Variants in EP400 observed in about 807,000 individuals in gnomAD.
EP400 encodes the protein E1A binding protein p400.
Under a neutral mutation model 354.1 loss-of-function variants are expected in EP400, and 105 were observed. The ratio of observed to expected loss-of-function variants is 0.30; its 90% CI spans 0.25 to 0.35. The LOEUF is 0.35. Among genes scored for constraint, EP400 ranks in the 10% least tolerant of loss-of-function variants. EP400 has a pLI of 1.00. For missense variants in EP400, 3,280 were observed against 4,121.0 expected (o/e 0.80, Z 5.59); for synonymous variants, 1,646 against 1,716.9 (o/e 0.96, Z 1.02).
chr12:131,983,029 C>A (rs1184821292), intron 5 of EP400, among the ~76,000 whole-genome samples: 1 of 151,792 alleles, frequency 6.6e-6, no homozygotes, highest in African/African-American at 2.4e-5. Flanking sequence ...ACTCTTAGTA[C>A]CAGGGGTCCC....
chr12:132,015,573 C>T (rs1310500222), intron 19 of EP400, among the ~76,000 whole-genome samples: 1 of 152,160 alleles, frequency 6.6e-6, no homozygotes, highest in African/African-American at 2.4e-5. Flanking sequence ...GGTTTGCCTT[C>T]AGGGTTGCAG....
At position 132,079,539 on chromosome 12, in the gene EP400, T is replaced by C. The variant is rs545050953; in HGVS notation, c.*1866T>C. 6.6e-6 allele frequency: 1 copy of C among 152,398 alleles called. No homozygotes were observed. Among genetic ancestry groups the C allele is most frequent in the East Asian group, 1.9e-4 (1 of 5,188 alleles). The allele number at this position is 152,398 out of a possible 1,614,324, so 9.4% of individuals were successfully genotyped here. A position where few individuals can be genotyped will look rare whatever the true frequency, so the allele number is the denominator to read the frequency against. The stretch of plus-strand genomic sequence containing the variant: ...TTGTGTGCCCTGTTCATTTTTTTTG[T>C]CTTTCCCAAATCTTGGTAGTCTCCT... On this transcript the variant is annotated 3_prime_UTR_variant, in exon 53 of 53. Transcript: ENST00000389561.
intron 48 of EP400, chr12:132,065,102 C>A: frequency 1.2e-6 from 1 of 855,374 alleles, no homozygotes; most frequent in Non-Finnish European, 1.7e-6. Context: ...CAGGCATCAC[C>A]AAGCTTCTCA....
At chr12:132,056,539 T>A (rs773272598) in intron 45 of EP400, among the ~76,000 whole-genome samples, 1 of 152,110 alleles carries the variant, frequency 6.6e-6, no homozygotes, top group Non-Finnish European at 1.5e-5. Flanking sequence ...TGGGCAGCCA[T>A]GTGCAAAACA....
At chr12:132,076,435 A>G in intron 51 of EP400, 81 bp from the exon 52 acceptor site, 1 of 1,392,082 alleles carries the variant, frequency 7.2e-7, no homozygotes, top group Non-Finnish European at 1.0e-6. Context: ...GCATTAACTG[A>G]GGACAGAAAG....
chr12:131,996,120 G>A (rs989314449), intron 12 of EP400, among the ~76,000 whole-genome samples: 25 of 152,274 alleles, frequency 1.6e-4, no homozygotes, highest in African/African-American at 5.1e-4. Flanking sequence ...TTGTAAATAT[G>A]TGACCGACTC....
rs1194059672 is a variant in EP400 at position 132,044,656 on chromosome 12, C to T, written c.6586-15C>T. ...GAGACTTGGTGGAAGTCAGAGCTTG[C>T]CGTGTTCCCTACAGGAGTATGTCTA... On this transcript the variant is annotated splice_polypyrimidine_tract_variant and intron_variant, in intron 35 of 52. Transcript: ENST00000389561. The T allele has an allele frequency of 1.2e-6, 2 of 1,614,086 alleles. No homozygotes were observed. Among genetic ancestry groups the T allele is most frequent in the South Asian group, 1.1e-5 (1 of 91,058 alleles).
chr12:132,024,009 C>T, intron 24 of EP400, 68 bp downstream of exon 24: 2 of 1,444,674 alleles, frequency 1.4e-6, no homozygotes, highest in South Asian at 1.4e-5. Context: ...AGCCCTGCTG[C>T]CCACGGGCCT....
chr12:131,952,442 C>G (rs1453143836), intron 1 of EP400, among the ~76,000 whole-genome samples: 1 of 152,004 alleles, frequency 6.6e-6, no homozygotes, highest in Non-Finnish European at 1.5e-5. Context: ...CCACCGCGCC[C>G]GGCCCCAATA....
intron 5 of EP400, 137 bp from the exon 6 acceptor site, chr12:131,986,377 A>T (rs1421820492): frequency 1.3e-6 from 1 of 788,050 alleles, no homozygotes; most frequent in African/African-American, 1.7e-5. Context: ...ATACGATGTG[A>T]TTTGTCTGCT....
intron 2 of EP400, among the ~76,000 whole-genome samples, chr12:131,977,000 A>G (rs963537772): frequency 1.3e-5 from 2 of 152,248 alleles, no homozygotes; most frequent in Non-Finnish European, 2.9e-5. Context: ...AAATGCCATG[A>G]AACTGGAAAC....
At chr12:132,037,841 G>A (rs574426283) in intron 31 of EP400, 48 bp downstream of exon 31, 52 of 1,609,110 alleles carry the variant, frequency 3.2e-5, no homozygotes, top group South Asian at 4.4e-5. Flanking sequence ...GCCATGCGGC[G>A]CGTGGAATCG....
Position 131,953,243 on chromosome 12 carries a change from C to T in EP400, c.-36+3207C>T, listed in dbSNP as rs78468962. The stretch of plus-strand genomic sequence containing the variant: ...AGAAACTTATACAGATGTTCCTTAG[C>T]GGGGCCGTGGAAAAATAAAGATCAA... On this transcript the variant is annotated intron_variant, in intron 1 of 52. Coordinates refer to ENST00000389561, the MANE Select transcript of EP400 (RefSeq NM_015409.5). 2.2e-3 allele frequency among the ~76,000 whole-genome samples: 330 copies of T among 152,204 alleles called. 3 individuals are homozygous for T. The highest frequency in any genetic ancestry group is 7.5e-3 in the African/African-American group (311 of 41,544).
intron 12 of EP400, among the ~76,000 whole-genome samples, chr12:131,998,208 C>T (rs988580024): frequency 2.0e-5 from 3 of 152,146 alleles, no homozygotes; most frequent in Admixed American, 1.3e-4. Flanking sequence ...TTCTTGATGT[C>T]TGGTTAGGTA....
chr12:132,020,301 G>A lies in EP400; in HGVS notation c.4447+83G>A. ...CATGGCACTTTCTTCTCGCGCCTCT[G>A]GATGCGGTAATTGTCCCTGAGTGGG... is the stretch of plus-strand genomic sequence containing the variant. On this transcript the variant is annotated intron_variant, in intron 22 of 52. Coordinates refer to ENST00000389561, the MANE Select transcript of EP400 (RefSeq NM_015409.5). 6 of 1,453,536 alleles carry A rather than the reference G, an allele frequency of 4.1e-6. No homozygotes were observed. In the South Asian group the frequency reaches 8.5e-5, roughly 21 times the overall value. 90.0% of individuals were successfully genotyped at this position (1,453,536 alleles called of 1,614,324 possible).
intron 10 of EP400, among the ~76,000 whole-genome samples, chr12:131,991,833 C>T (rs958224362): frequency 3.9e-5 from 6 of 152,228 alleles, no homozygotes; most frequent in South Asian, 2.1e-4. Context: ...GCATTCTGTC[C>T]GCCTTGGCCT....
Position 131,994,798 on chromosome 12 carries a change from A to G in EP400, c.2738-69A>G, listed in dbSNP as rs1893149884. ...ATGCAAAATAATTTCGAAGCCTTAT[A>G]GTGTGTAATGAGTAACAGACACTCA... On this transcript the variant is annotated intron_variant, in intron 11 of 52. Transcript: ENST00000389561. This position sits in a 1 kb window ranked among gnomAD's most constrained non-coding sequence, Gnocchi z 4.6. 10 of 1,334,556 alleles carry G rather than the reference A, an allele frequency of 7.5e-6. No individual in the cohort carries two copies. In the South Asian group the frequency reaches 8.6e-5, roughly 11 times the overall value. The allele number at this position is 1,334,556 out of a possible 1,614,324, so 82.7% of individuals were successfully genotyped here.
At chr12:132,023,368 C>T (rs2136545729) in intron 23 of EP400, among the ~76,000 whole-genome samples, 1 of 131,890 alleles carries the variant, frequency 7.6e-6, no homozygotes, top group South Asian at 2.4e-4. Context: ...GTTGTCCAGG[C>T]TGGTCTCAAA....
At chr12:132,044,536 T>C in intron 35 of EP400, 135 bp from the exon 36 acceptor site, 1 of 1,232,472 alleles carries the variant, frequency 8.1e-7, no homozygotes, top group African/African-American at 1.5e-5. Context: ...GATTAAAACA[T>C]TTATAAGTCT....
Sources: gnomAD v4.1 joint callset for allele counts (sites outside exome capture counted in the v4.1 genomes callset) on GRCh38, gnomAD v4.1.1 for gene constraint, Gnocchi (gnomAD v3.1) non-coding constraint, MANE v1.5 for transcripts, NCBI Gene and HGNC (gene_info 2026-07-23, HGNC 2026-07-21) for gene names.